Variants in QTGAL observed in about 807,000 individuals in gnomAD.
The protein encoded by QTGAL is BGnT-like protein 1.
chr17:83,030,056 G>A, the QTGAL span, among the ~76,000 whole-genome samples: 43 of 152,266 alleles, frequency 2.8e-4, no homozygotes, highest in Non-Finnish European at 4.6e-4. Context: ...CAAGTAAAAC[G>A]GGCCACGCGT....
chr17:83,007,275 G>A, the QTGAL span: 7 of 985,166 alleles, frequency 7.1e-6, no homozygotes, highest in Non-Finnish European at 8.4e-6. Context: ...TGGAGCCGCC[G>A]CCCTGCCCAG....
At chr17:83,031,791 G>C in the QTGAL span, among the ~76,000 whole-genome samples, 60,901 of 152,156 alleles carry the variant, frequency 0.4, 12,206 homozygotes, top group African/African-American at 0.45. Flanking sequence ...AGTTGCCAAC[G>C]CTAGAGGTCA....
the QTGAL span, chr17:82,957,291 C>T: frequency 6.2e-7 from 1 of 1,614,058 alleles, no homozygotes; most frequent in Non-Finnish European, 8.5e-7. Context: ...CAGGCCGGGG[C>T]CAGGGCCTGT....
At chr17:83,033,646 T>C in the QTGAL span, among the ~76,000 whole-genome samples, 1 of 151,728 alleles carries the variant, frequency 6.6e-6, no homozygotes, top group East Asian at 1.9e-4. Context: ...TAATTTTTTG[T>C]ATTTTTAGTA....
At chr17:82,975,836 A>C in the QTGAL span, among the ~76,000 whole-genome samples, 141 of 37,728 alleles carry the variant, frequency 3.7e-3, 3 homozygotes, top group African/African-American at 5.2e-3. Flanking sequence ...TTATGGGGAA[A>C]CAGGGCCCCA....
At chr17:83,044,665 C>T in the QTGAL span, among the ~76,000 whole-genome samples, 136 of 152,320 alleles carry the variant, frequency 8.9e-4, no homozygotes, top group African/African-American at 3.2e-3. Context: ...AGATAAAAGC[C>T]AGGCGCGGCG....
At chr17:83,029,107 A>G in the QTGAL span, among the ~76,000 whole-genome samples, 412 of 152,282 alleles carry the variant, frequency 2.7e-3, 24 homozygotes, top group South Asian at 0.083. Flanking sequence ...TCCGAGGGAC[A>G]GAAGTCTCTG....
chr17:83,049,795 T>G, the QTGAL span, among the ~76,000 whole-genome samples: 17 of 152,156 alleles, frequency 1.1e-4, no homozygotes, highest in African/African-American at 3.9e-4. Context: ...CTTTTCTCAT[T>G]GTCCTTTTCT....
chr17:82,997,085 A>G, the QTGAL span, among the ~76,000 whole-genome samples: 1 of 152,234 alleles, frequency 6.6e-6, no homozygotes, highest in Non-Finnish European at 1.5e-5. Context: ...ACAGCAAAGG[A>G]AACTATCAAC....
the QTGAL span, among the ~76,000 whole-genome samples, chr17:83,042,179 C>T: frequency 6.6e-6 from 1 of 152,084 alleles, no homozygotes; most frequent in Non-Finnish European, 1.5e-5. Context: ...CCAGCCTGGG[C>T]AACAGGACAA....
At chr17:83,039,707 T>C in the QTGAL span, among the ~76,000 whole-genome samples, 7 of 152,340 alleles carry the variant, frequency 4.6e-5, no homozygotes, top group East Asian at 1.4e-3. Context: ...GGGTGCTGAC[T>C]ACCACGACCT....
chr17:83,051,757 G>A, the QTGAL span: 1 of 1,497,362 alleles, frequency 6.7e-7, no homozygotes, highest in Non-Finnish European at 8.8e-7. Flanking sequence ...TGCATGGCCT[G>A]GCTCTCCTCG....
chr17:83,044,317 T>C, the QTGAL span, among the ~76,000 whole-genome samples: 4,781 of 152,240 alleles, frequency 0.031, 264 homozygotes, highest in African/African-American at 0.11. Flanking sequence ...CCCAATAATG[T>C]GAGGGCAGTT....
At chr17:83,011,385 T>C in the QTGAL span, 12 of 152,266 alleles carry the variant, frequency 7.9e-5, no homozygotes, top group African/African-American at 2.7e-4. Flanking sequence ...CCTTCCTAAT[T>C]AGCTGGTTTC....
At chr17:82,947,224 CCTCTCT>C in the QTGAL span, 3 of 522,918 alleles carry the variant, frequency 5.7e-6, no homozygotes, top group South Asian at 8.1e-5. Flanking sequence ...TCTGGCCTTG[CCTCTCT>C]ACATAAGGTG....
At chr17:82,974,232 C>A in the QTGAL span, among the ~76,000 whole-genome samples, 1 of 152,216 alleles carries the variant, frequency 6.6e-6, no homozygotes, top group Admixed American at 6.5e-5. Context: ...AAGCGTGGGC[C>A]CCACAGGTTT....
chr17:83,027,884 C>T, the QTGAL span, among the ~76,000 whole-genome samples: 28,229 of 151,766 alleles, frequency 0.19, 2,898 homozygotes, highest in Non-Finnish European at 0.24. Context: ...GAGGTCGAGG[C>T]GAGCAGACCA....
At chr17:82,995,180 C>CCTAGCTAAAG in the QTGAL span, among the ~76,000 whole-genome samples, 1 of 152,026 alleles carries the variant, frequency 6.6e-6, no homozygotes, top group African/African-American at 2.4e-5. Flanking sequence ...TACTGAAAGT[C>CCTAGCTAAAG]CTAGCTAAAG....
chr17:82,964,599 C>T, the QTGAL span, among the ~76,000 whole-genome samples: 274 of 123,750 alleles, frequency 2.2e-3, 1 homozygote, highest in African/African-American at 8.2e-3. Flanking sequence ...ACGGGGAGGA[C>T]GGAGACATGG....
Sources: allele counts gnomAD v4.1 joint callset (sites outside exome capture counted in the v4.1 genomes callset), GRCh38; gene constraint gnomAD v4.1.1; transcripts MANE v1.5; gene names NCBI Gene and HGNC (gene_info 2026-07-23, HGNC 2026-07-21).